Variants in PRDM16 observed in about 807,000 individuals in gnomAD.
PRDM16 encodes histone-lysine N-methyltransferase PRDM16.
Under a neutral mutation model 110.6 loss-of-function variants are expected in PRDM16, and 23 were observed. The ratio of observed to expected loss-of-function variants is 0.21; its 90% CI spans 0.15 to 0.29. The LOEUF (loss-of-function observed/expected upper bound fraction) is 0.29. PRDM16 is among the 10% of genes least tolerant of loss of function. PRDM16 has a pLI of 1.00. For missense variants in PRDM16, 1,615 were observed against 1,794.3 expected (o/e 0.90, Z 1.81); for synonymous variants, 799 against 781.8 (o/e 1.02, Z -0.37).
chr1:3,147,573 A>T (rs1010489167), intron 1 of PRDM16, among the ~76,000 whole-genome samples: 1 of 152,130 alleles, frequency 6.6e-6, no homozygotes, highest in Non-Finnish European at 1.5e-5. Context: ...ATTGCCCTGC[A>T]TGGTCTTTGT....
At chr1:3,170,509 G>A (rs571399273) in intron 1 of PRDM16, among the ~76,000 whole-genome samples, 22 of 152,330 alleles carry the variant, frequency 1.4e-4, no homozygotes, top group Admixed American at 3.3e-4. Context: ...CCCGAGAGCC[G>A]GAGCCCAAGG....
At chr1:3,421,830 T>G (rs1049692729) in intron 12 of PRDM16, among the ~76,000 whole-genome samples, 1 of 152,256 alleles carries the variant, frequency 6.6e-6, no homozygotes, top group African/African-American at 2.4e-5. Context: ...AGGAACTGAA[T>G]GAGCCGTGTT....
chr1:3,301,789 C>A (rs1002853773), intron 3 of PRDM16, among the ~76,000 whole-genome samples: 1 of 152,226 alleles, frequency 6.6e-6, no homozygotes, highest in African/African-American at 2.4e-5. Flanking sequence ...GGGCACACAC[C>A]ACACCTGAGC....
intron 3 of PRDM16, among the ~76,000 whole-genome samples, chr1:3,284,343 A>T (rs1640800792): frequency 6.6e-6 from 1 of 152,196 alleles, no homozygotes; most frequent in Non-Finnish European, 1.5e-5. Context: ...TGTTTTTTAA[A>T]GTGTTAAGAT....
At chr1:3,430,293 A>G (rs1374630694) in intron 14 of PRDM16, among the ~76,000 whole-genome samples, 1 of 152,072 alleles carries the variant, frequency 6.6e-6, no homozygotes, top group Non-Finnish European at 1.5e-5. Flanking sequence ...ACCCTGAGGG[A>G]AGTCAGGAGA....
At chr1:3,267,590 C>A (rs564678747) in intron 3 of PRDM16, among the ~76,000 whole-genome samples, 1 of 152,354 alleles carries the variant, frequency 6.6e-6, no homozygotes, top group East Asian at 1.9e-4. Flanking sequence ...ACCACAGTGG[C>A]TATACCATTT....
chr1:3,418,703 C>T lies in PRDM16; in HGVS notation c.2898C>T (p.Leu966=). The change falls in exon 12 of 17, where the codon CTC becomes CTT. Residue 966 remains leucine, a synonymous_variant. Transcript: ENST00000270722. ...CGKIFPRSAN[L]TRHLRTHTGE... is the part of the protein sequence containing the mutation. ...AGATCTTCCCCAGATCAGCCAATCT[C>T]ACCAGACACCTGAGGACGCACACTG... The T allele has an allele frequency of 6.2e-7, 1 of 1,613,648 alleles. No individual in the cohort carries two copies.
At chr1:3,285,178 G>C (rs1348400312) in intron 3 of PRDM16, among the ~76,000 whole-genome samples, 2 of 152,158 alleles carry the variant, frequency 1.3e-5, no homozygotes, top group Non-Finnish European at 2.9e-5. Flanking sequence ...GCAAACCTAG[G>C]GTGAGGTGGG....
At position 3,213,934 on chromosome 1, in the gene PRDM16, G is replaced by A. The variant is rs576767655; in HGVS notation, c.387+27460G>A. ...CTCAGAAGCACGCGGGTGACAGGGT[G>A]TGGCCAGTGCACCAAGCAGAACGGC... On this transcript the variant is annotated intron_variant, in intron 2 of 16. Coordinates refer to ENST00000270722, the MANE Select transcript of PRDM16 (RefSeq NM_022114.4). This position sits in a 1 kb window ranked among gnomAD's most constrained non-coding sequence, Gnocchi z 5.3. 2.0e-5 allele frequency among the ~76,000 whole-genome samples: 3 copies of A among 152,182 alleles called. No individual in the cohort carries two copies. In the South Asian group the frequency reaches 6.3e-4, roughly 32 times the overall value.
intron 3 of PRDM16, among the ~76,000 whole-genome samples, chr1:3,318,268 C>A (rs998049579): frequency 5.9e-5 from 9 of 152,170 alleles, no homozygotes; most frequent in African/African-American, 2.2e-4. Flanking sequence ...TGTGTCCCAT[C>A]GGGTTCTTAA....
intron 1 of PRDM16, among the ~76,000 whole-genome samples, chr1:3,170,257 G>T (rs1195146580): frequency 6.6e-6 from 1 of 152,174 alleles, no homozygotes; most frequent in East Asian, 1.9e-4. Context: ...GTGCCTGCAG[G>T]CCCTTCCGGG....
At chr1:3,233,280 G>A (rs1305671360) in intron 2 of PRDM16, among the ~76,000 whole-genome samples, 4 of 152,224 alleles carry the variant, frequency 2.6e-5, no homozygotes, top group African/African-American at 2.4e-5. Flanking sequence ...AGCATTTTCA[G>A]AAGCAGGGTG....
intron 3 of PRDM16, among the ~76,000 whole-genome samples, chr1:3,254,055 TG>T (rs1239834606): frequency 5.3e-5 from 8 of 152,190 alleles, no homozygotes; most frequent in African/African-American, 1.4e-4. Flanking sequence ...TTGATGGGGT[TG>T]TTTTTTTTCT....
At chr1:3,150,802 G>A (rs1319041951) in intron 1 of PRDM16, among the ~76,000 whole-genome samples, 4 of 149,626 alleles carry the variant, frequency 2.7e-5, no homozygotes, top group African/African-American at 4.9e-5. Flanking sequence ...TTACTTTTTG[G>A]TCTCTGAAGC....
intron 3 of PRDM16, among the ~76,000 whole-genome samples, chr1:3,287,548 A>G (rs1569998031): frequency 2.1e-5 from 1 of 48,018 alleles, no homozygotes; most frequent in Non-Finnish European, 3.5e-5. Context: ...CCGGGGCTGG[A>G]GCCGCCCCCT....
intron 3 of PRDM16, among the ~76,000 whole-genome samples, chr1:3,275,754 G>A (rs1479976404): frequency 6.6e-6 from 1 of 152,120 alleles, no homozygotes; most frequent in Non-Finnish European, 1.5e-5. Context: ...GGTGACGTGA[G>A]AACCACCAGT....
rs976953011 is a variant in PRDM16 at position 3,348,413 on chromosome 1, G to A, written c.439-36739G>A. ...AGCAGAGAGTGGAGAGAGGCCAGCG[G>A]TGGGGGCAGCTCTTCAGCACCATCC... On this transcript the variant is annotated intron_variant, in intron 3 of 16. Coordinates refer to ENST00000270722, the MANE Select transcript of PRDM16 (RefSeq NM_022114.4). Among the ~76,000 whole-genome samples, 6 of 152,348 alleles carry A rather than the reference G, an allele frequency of 3.9e-5. No individual in the cohort carries two copies. The East Asian group carries it at 1.2e-3, about 29-fold the overall frequency.
At chr1:3,129,957 G>A (rs1297358072) in intron 1 of PRDM16, among the ~76,000 whole-genome samples, 2 of 152,152 alleles carry the variant, frequency 1.3e-5, no homozygotes, top group Non-Finnish European at 2.9e-5. Flanking sequence ...ATCCACTGAG[G>A]GCATCCAAAA....
intron 1 of PRDM16, among the ~76,000 whole-genome samples, chr1:3,126,006 C>G (rs1643196893): frequency 6.6e-6 from 1 of 152,254 alleles, no homozygotes; most frequent in South Asian, 2.1e-4. Context: ...CCTGTGAAAC[C>G]TTGTAGAGAG....
Sources: allele counts gnomAD v4.1 joint callset (sites outside exome capture counted in the v4.1 genomes callset), GRCh38; gene constraint gnomAD v4.1.1; non-coding constraint Gnocchi (gnomAD v3.1); transcripts MANE v1.5; gene names NCBI Gene and HGNC (gene_info 2026-07-23, HGNC 2026-07-21).